Variants in ERICH1 observed in about 807,000 individuals in gnomAD.
ERICH1 encodes the protein glutamate rich 1.
Under a neutral mutation model 39.6 loss-of-function variants are expected in ERICH1, and 56 were observed. That is an observed-to-expected ratio of 1.41 (90% CI 1.14 to 1.77). The LOEUF (loss-of-function observed/expected upper bound fraction) is 1.77, where lower values mean the gene tolerates loss of function less well. Among genes scored for constraint, ERICH1 ranks in the 40% most tolerant of loss-of-function variants. The pLI is 0.00. For synonymous variants in ERICH1, 313 were observed against 223.6 expected, an observed-to-expected ratio of 1.40 and a Z score of -3.57; for missense variants, 826 against 575.4, an observed-to-expected ratio of 1.44 and a Z score of -4.45.
In ERICH1 at chr8:678,350, G is replaced by C. The variant is rs148423404; in HGVS notation, c.305-4303C>G. Among the ~76,000 whole-genome samples the C allele has an allele frequency of 5.3e-5, 8 of 152,228 alleles. No homozygotes were observed. The East Asian group carries it at 1.5e-3, about 29-fold the overall frequency. On this transcript the variant is annotated intron_variant, in intron 3 of 5. Coordinates refer to ENST00000262109, the MANE Select transcript of ERICH1 (RefSeq NM_207332.3). ...GTTGGTGTTAAGAAGGTAATGAAAG[G>C]ATACTGCACACAACGACATGCAAAT...
At chr8:668,007 T>C (rs973501902) in intron 5 of ERICH1, 2 of 164,866 alleles carry the variant, frequency 1.2e-5, no homozygotes, top group Non-Finnish European at 2.6e-5. Flanking sequence ...TGGGCTGCTC[T>C]GCACTCAGTG....
intron 3 of ERICH1, among the ~76,000 whole-genome samples, chr8:676,525 C>CCTCGTGAGGACAGAGGCGCGGCGGCCT (rs1804843584): frequency 6.6e-6 from 1 of 151,842 alleles, no homozygotes. Flanking sequence ...CGCGGCGGCC[C>CCTCGTGAGGACAGAGGCGCGGCGGCCT]CTCGTGAGGA....
chr8:669,136 C>T (rs1200036415), intron 4 of ERICH1: 2 of 144,732 alleles, frequency 1.4e-5, no homozygotes, highest in Non-Finnish European at 2.6e-5. Context: ...TCTGGTGAGA[C>T]GCCTCCCCTG....
At chr8:670,530 G>A (rs907241188) in intron 4 of ERICH1, among the ~76,000 whole-genome samples, 3 of 152,170 alleles carry the variant, frequency 2.0e-5, no homozygotes, top group African/African-American at 7.2e-5. Context: ...CTCCAGGGTG[G>A]CCACACATTT....
intron 3 of ERICH1, among the ~76,000 whole-genome samples, chr8:617,067 T>C (rs541704508): frequency 6.6e-6 from 1 of 152,056 alleles, no homozygotes; most frequent in East Asian, 1.9e-4. Context: ...CCACTTTGAC[T>C]CTTTGTCCCA....
At chr8:710,092 G>A (rs796899855) in intron 2 of ERICH1, among the ~76,000 whole-genome samples, 34 of 152,276 alleles carry the variant, frequency 2.2e-4, no homozygotes, top group African/African-American at 7.7e-4. Context: ...CGTCAGAGCC[G>A]TACATTCTTA....
At chr8:650,330 T>C (rs1429864431) in intron 3 of ERICH1, among the ~76,000 whole-genome samples, 1 of 152,210 alleles carries the variant, frequency 6.6e-6, no homozygotes, top group African/African-American at 2.4e-5. Context: ...AGTGACACGG[T>C]CTCAGGAGAG....
intron 2 of ERICH1, among the ~76,000 whole-genome samples, chr8:702,943 TG>T (rs1435270537): frequency 6.6e-6 from 1 of 152,176 alleles, no homozygotes; most frequent in Non-Finnish European, 1.5e-5. Context: ...TGGGGTTAGC[TG>T]AAGGAGGGCC....
At chr8:702,243 T>C (rs1325450818) in intron 2 of ERICH1, among the ~76,000 whole-genome samples, 1 of 152,158 alleles carries the variant, frequency 6.6e-6, no homozygotes, top group African/African-American at 2.4e-5. Flanking sequence ...TTTGTTAGCT[T>C]GGTAGCGTGC....
At chr8:695,141 C>A (rs1039074720) in intron 2 of ERICH1, among the ~76,000 whole-genome samples, 3 of 152,030 alleles carry the variant, frequency 2.0e-5, no homozygotes, top group Non-Finnish European at 4.4e-5. Context: ...AGGTTCCCCT[C>A]AGCTCCTCTG....
At chr8:644,236 T>C (rs1229698559) in intron 3 of ERICH1, among the ~76,000 whole-genome samples, 3 of 152,206 alleles carry the variant, frequency 2.0e-5, no homozygotes, top group African/African-American at 4.8e-5. Context: ...CTAAGGCGAG[T>C]GCCTGGCCTC....
chr8:713,957 G>T (rs540767895), intron 2 of ERICH1, among the ~76,000 whole-genome samples: 2 of 144,354 alleles, frequency 1.4e-5, no homozygotes, highest in Admixed American at 1.3e-4. Flanking sequence ...GCACCCAGGC[G>T]GCCTCTTCTG....
intron 3 of ERICH1, among the ~76,000 whole-genome samples, chr8:628,782 C>T (rs1797742827): frequency 1.3e-5 from 2 of 152,346 alleles, no homozygotes; most frequent in East Asian, 3.9e-4. Flanking sequence ...AAAATCCTTC[C>T]TGCTTCCCTT....
At position 632,477 on chromosome 8, in the gene ERICH1, T is replaced by C. The variant is rs561341651; in HGVS notation, c.977-17193A>G. ...AAATGTATGCAGCTCTAAAATTCAA[T>C]GTTTTTTATTTCTCATCTTTATAAG... On this transcript the variant is annotated intron_variant, in intron 3 of 3. Coordinates refer to the ERICH1 transcript ENST00000522706. 1.8e-4 allele frequency among the ~76,000 whole-genome samples: 28 copies of C among 152,382 alleles called. No individual in the cohort carries two copies. In the South Asian group the frequency reaches 3.5e-3, roughly 19 times the overall value.
Position 709,439 on chromosome 8 carries a change from T to C in ERICH1, c.169+6422A>G, listed in dbSNP as rs189925769. Among the ~76,000 whole-genome samples the C allele has an allele frequency of 5.9e-5, 9 of 152,312 alleles. No homozygotes were observed. In the East Asian group the frequency reaches 1.5e-3, roughly 26 times the overall value. On this transcript the variant is annotated intron_variant, in intron 2 of 5. Coordinates refer to ENST00000262109, the MANE Select transcript of ERICH1 (RefSeq NM_207332.3). ...TGTGCCCACCAATCCTGATTCTGTA[T>C]TGGCACCTCCACCTGGACACGGCTC...
chr8:724,407 C>T (rs996798931), intron 1 of ERICH1, among the ~76,000 whole-genome samples: 5 of 152,200 alleles, frequency 3.3e-5, no homozygotes, highest in Non-Finnish European at 7.3e-5. Flanking sequence ...TATCACGAAG[C>T]GTTCACAAAC....
At chr8:697,137 T>C (rs996437786) in intron 2 of ERICH1, among the ~76,000 whole-genome samples, 2 of 152,212 alleles carry the variant, frequency 1.3e-5, no homozygotes, top group Non-Finnish European at 2.9e-5. Context: ...CATATTCTTC[T>C]TTCCTCTGTC....
At chr8:703,120 C>G (rs1053878071) in intron 2 of ERICH1, among the ~76,000 whole-genome samples, 2 of 152,214 alleles carry the variant, frequency 1.3e-5, no homozygotes, top group African/African-American at 4.8e-5. Flanking sequence ...CCTCTCGTGT[C>G]CCCCTGTAAC....
At chr8:652,285 C>T (rs1800071156) in intron 3 of ERICH1, among the ~76,000 whole-genome samples, 1 of 152,210 alleles carries the variant, frequency 6.6e-6, no homozygotes, top group Non-Finnish European at 1.5e-5. Context: ...AGCTGTTCTA[C>T]AAGAGCAAGA....
Sources: allele counts gnomAD v4.1 joint callset (sites outside exome capture counted in the v4.1 genomes callset), GRCh38; gene constraint gnomAD v4.1.1; transcripts MANE v1.5; gene names NCBI Gene and HGNC (gene_info 2026-07-23, HGNC 2026-07-21).